PLA2G4A: variants seen among roughly 807,000 people sequenced by gnomAD.
PLA2G4A encodes the protein phospholipase A2 group IVA, also known as cytosolic phospholipase A2.
A neutral mutation model predicts 81.9 loss-of-function variants in PLA2G4A; 40 were observed. The ratio of observed to expected loss-of-function variants is 0.49; its 90% CI spans 0.38 to 0.64. The LOEUF is 0.64. PLA2G4A is among the 30% of genes least tolerant of loss of function. The pLI, the probability that PLA2G4A is intolerant of heterozygous loss-of-function variation, is 0.00. For missense variants in PLA2G4A, 715 were observed against 905.1 expected, an observed-to-expected ratio of 0.79 and a Z score of 2.69; for synonymous variants, 302 against 296.9, an observed-to-expected ratio of 1.02 and a Z score of -0.18.
chr1:186,934,443 C>CACATATATATATATATATAT (rs372931067), intron 8 of PLA2G4A, among the ~76,000 whole-genome samples: 2 of 99,564 alleles, frequency 2.0e-5, no homozygotes, highest in Non-Finnish European at 3.8e-5. Flanking sequence ...TAAATGTGCA[C>CACATATATATATATATATAT]ATATATATAT....
chr1:186,842,490 GC>G (rs1196724501), intron 1 of PLA2G4A, among the ~76,000 whole-genome samples: 1 of 152,120 alleles, frequency 6.6e-6, no homozygotes, highest in African/African-American at 2.4e-5. Flanking sequence ...GCTGAAATAT[GC>G]CCCCTCCAAA....
chr1:186,880,553 G>A (rs536425437), intron 3 of PLA2G4A, among the ~76,000 whole-genome samples: 15 of 151,950 alleles, frequency 9.9e-5, no homozygotes, highest in African/African-American at 3.6e-4. Context: ...AGAAGTCAGG[G>A]ACAACACCAT....
chr1:186,965,380 C>A (rs1440135124), intron 14 of PLA2G4A, 29 bp from the exon 15 acceptor site: 3 of 1,463,784 alleles, frequency 2.0e-6, no homozygotes, highest in Admixed American at 3.4e-5. Flanking sequence ...TCATTTAATT[C>A]ATTCTTGTTT....
chr1:186,949,370 G>GA (rs1300174589), intron 12 of PLA2G4A, among the ~76,000 whole-genome samples: 8 of 31,022 alleles, frequency 2.6e-4, no homozygotes, highest in African/African-American at 9.4e-4. Flanking sequence ...GAGAAAGAAA[G>GA]AAAAGAAAGA....
At chr1:186,970,352 G>T (rs1243397505) in intron 15 of PLA2G4A, among the ~76,000 whole-genome samples, 1 of 151,830 alleles carries the variant, frequency 6.6e-6, no homozygotes, top group African/African-American at 2.4e-5. Context: ...CCCATTCTGT[G>T]GTTCGTCTCT....
At chr1:186,959,641 T>C (rs1374592268) in intron 14 of PLA2G4A, among the ~76,000 whole-genome samples, 1 of 152,228 alleles carries the variant, frequency 6.6e-6, no homozygotes, top group African/African-American at 2.4e-5. Flanking sequence ...CTGAATTTAC[T>C]GAATGAACTA....
chr1:186,868,382 G>A (rs759201010), intron 2 of PLA2G4A, among the ~76,000 whole-genome samples: 49 of 152,094 alleles, frequency 3.2e-4, no homozygotes, highest in Non-Finnish European at 6.5e-4. Context: ...CCCGCCCGGT[G>A]TCTAATTCTT....
intron 7 of PLA2G4A, among the ~76,000 whole-genome samples, chr1:186,914,788 G>A (rs951563717): frequency 6.6e-6 from 1 of 152,164 alleles, no homozygotes; most frequent in African/African-American, 2.4e-5. Flanking sequence ...TTTCTTTGGA[G>A]GTAGAAATTG....
At chr1:186,872,189 C>T (rs1399887762) in intron 3 of PLA2G4A, among the ~76,000 whole-genome samples, 1 of 152,054 alleles carries the variant, frequency 6.6e-6, no homozygotes, top group Non-Finnish European at 1.5e-5. Flanking sequence ...CTAATCATCC[C>T]TTTATTAATA....
chr1:186,954,306 T>C (rs1656666464), intron 13 of PLA2G4A, among the ~76,000 whole-genome samples: 1 of 152,154 alleles, frequency 6.6e-6, no homozygotes. Context: ...TGCATGAAGC[T>C]GGAAACCATC....
chr1:186,899,892 G>A (rs958474893), intron 5 of PLA2G4A, among the ~76,000 whole-genome samples: 3 of 152,172 alleles, frequency 2.0e-5, no homozygotes, highest in Admixed American at 6.5e-5. Context: ...GCTTTAATGT[G>A]TCAAGTAGAG....
At chr1:186,905,416 T>C (rs987030844) in intron 5 of PLA2G4A, among the ~76,000 whole-genome samples, 2 of 151,102 alleles carry the variant, frequency 1.3e-5, no homozygotes, top group African/African-American at 4.9e-5. Context: ...AAAAAGACCA[T>C]GCTTTACCCA....
At chr1:186,938,541 G>C (rs1656033417) in intron 8 of PLA2G4A, among the ~76,000 whole-genome samples, 1 of 152,122 alleles carries the variant, frequency 6.6e-6, no homozygotes, top group African/African-American at 2.4e-5. Context: ...GATTTTTCAA[G>C]GGAATTAGGA....
chr1:186,847,255 T>G lies in PLA2G4A; in HGVS notation c.-69-7031T>G, dbSNP rs148538745. Among the ~76,000 whole-genome samples the G allele has an allele frequency of 9.2e-3, 1,395 of 152,230 alleles. 18 individuals are homozygous for G. The highest frequency in any genetic ancestry group is 0.032 in the African/African-American group (1,309 of 41,546). ...AAATGTGATAGAGCTTATTTACTGG[T>G]ACCCTGTATTTCTTTCTGTAGGTTC... On this transcript the variant is annotated intron_variant, in intron 1 of 17. Coordinates refer to ENST00000367466, the MANE Select transcript of PLA2G4A (RefSeq NM_024420.3).
chr1:186,842,036 A>G (rs1444804639), intron 1 of PLA2G4A, among the ~76,000 whole-genome samples: 1 of 135,256 alleles, frequency 7.4e-6, no homozygotes, highest in Non-Finnish European at 1.5e-5. Context: ...TGAGATGCAT[A>G]TCATATCTTT....
At chr1:186,946,607 T>C (rs752982663) in intron 10 of PLA2G4A, 30 bp from the exon 11 acceptor site, 16 of 1,550,418 alleles carry the variant, frequency 1.0e-5, no homozygotes, top group Non-Finnish European at 1.3e-5. Context: ...TTCCTATTAA[T>C]GGATTGCCTT....
At chr1:186,913,492 A>C (rs1186669048) in intron 7 of PLA2G4A, among the ~76,000 whole-genome samples, 1 of 152,072 alleles carries the variant, frequency 6.6e-6, no homozygotes, top group Non-Finnish European at 1.5e-5. Context: ...TGAAATCTAC[A>C]AAGATTAATT....
At chr1:186,871,718 T>C (rs1174520558) in intron 3 of PLA2G4A, among the ~76,000 whole-genome samples, 1 of 152,040 alleles carries the variant, frequency 6.6e-6, no homozygotes, top group African/African-American at 2.4e-5. Context: ...GACAAAGACT[T>C]AGGACTGAGA....
intron 3 of PLA2G4A, among the ~76,000 whole-genome samples, chr1:186,882,414 C>T (rs1366375598): frequency 3.3e-5 from 5 of 152,096 alleles, no homozygotes; most frequent in Admixed American, 2.6e-4. Flanking sequence ...TCAGCTAAAA[C>T]GTCAAAAGAA....
Sources: gnomAD v4.1 joint callset for allele counts (sites outside exome capture counted in the v4.1 genomes callset) on GRCh38, gnomAD v4.1.1 for gene constraint, MANE v1.5 for transcripts, NCBI Gene and HGNC (gene_info 2026-07-23, HGNC 2026-07-21) for gene names.